POU6F2: variants seen among roughly 807,000 people sequenced by gnomAD.
POU6F2 encodes the protein POU class 6 homeobox 2.
POU6F2 carries 31 observed loss-of-function variants against 71.3 expected under a neutral mutation model. The observed-to-expected ratio is 0.43, with a 90% CI of 0.33 to 0.59. The LOEUF (loss-of-function observed/expected upper bound fraction) is 0.59, where lower values mean the gene tolerates loss of function less well. Ranked by LOEUF, POU6F2 falls within the 20% of genes least tolerant of loss-of-function variation. The pLI is 0.04. For synonymous variants in POU6F2, 347 were observed against 355.7 expected (o/e 0.98, Z 0.27); for missense variants, 783 against 856.8 (o/e 0.91, Z 1.07).
chr7:39,046,397 T>A (rs1028515525), intron 1 of POU6F2, among the ~76,000 whole-genome samples: 1 of 151,942 alleles, frequency 6.6e-6, no homozygotes, highest in Admixed American at 6.6e-5. Flanking sequence ...AGTCTGTGGC[T>A]TGTCTTTTTA....
At chr7:38,997,164 T>C (rs1562660224) in intron 1 of POU6F2, among the ~76,000 whole-genome samples, 1 of 152,222 alleles carries the variant, frequency 6.6e-6, no homozygotes, top group Non-Finnish European at 1.5e-5. Flanking sequence ...GTGTTGACTT[T>C]GTTCACTATT....
At chr7:39,208,725 A>G (rs1272947511) in intron 4 of POU6F2, among the ~76,000 whole-genome samples, 1 of 152,220 alleles carries the variant, frequency 6.6e-6, no homozygotes, top group Non-Finnish European at 1.5e-5. Context: ...CCTGCCATTC[A>G]TAAATCATGC....
intron 4 of POU6F2, among the ~76,000 whole-genome samples, chr7:39,318,613 C>T (rs1396584943): frequency 6.6e-6 from 1 of 152,128 alleles, no homozygotes; most frequent in Admixed American, 6.5e-5. Context: ...GCAAAAGAAC[C>T]CTTCTGCTCT....
At chr7:39,315,589 C>T (rs1217287108) in intron 4 of POU6F2, among the ~76,000 whole-genome samples, 1 of 152,166 alleles carries the variant, frequency 6.6e-6, no homozygotes, top group South Asian at 2.1e-4. Context: ...CTGAGTGGCC[C>T]CTCATCATAG....
chr7:39,377,848 ATTAG>A (rs1324698541), intron 5 of POU6F2, among the ~76,000 whole-genome samples: 1 of 152,252 alleles, frequency 6.6e-6, no homozygotes, highest in Non-Finnish European at 1.5e-5. Flanking sequence ...CACTTTAAAA[ATTAG>A]TTACTTTTAA....
In POU6F2 at chr7:39,460,977, T is replaced by TC. The variant is rs1788936000; in HGVS notation, c.1658+263dup. On this transcript the variant is annotated intron_variant, in intron 9 of 9. Transcript: ENST00000518318. This position sits in a 1 kb window ranked among gnomAD's most constrained non-coding sequence, Gnocchi z 4.4. ...TCATTGGAAATACACTACCCCAGGG[T>TC]CAGGGGCCTTCCTCCTGGGCCCACA... Among the ~76,000 whole-genome samples the TC allele has an allele frequency of 2.0e-5, 3 of 152,098 alleles. No individual in the cohort carries two copies. In the South Asian group the frequency reaches 6.2e-4, roughly 32 times the overall value.
Position 39,431,955 on chromosome 7 carries a change from G to A in POU6F2, c.1114-1122G>A, listed in dbSNP as rs79645029. Among the ~76,000 whole-genome samples the A allele has an allele frequency of 8.3e-3, 1,264 of 152,250 alleles. 16 individuals are homozygous for A. Among genetic ancestry groups the A allele is most frequent in the African/African-American group, 0.028 (1,173 of 41,544 alleles). ...AGCAGAGCTAGGTAACCATCCTACC[G>A]TGTGTGGAGGCAGAAAAGCATCCAC... On this transcript the variant is annotated intron_variant, in intron 6 of 9. Coordinates refer to ENST00000518318, the MANE Select transcript of POU6F2 (RefSeq NM_001370959.1).
chr7:39,447,283 A>G (rs1285126475), intron 7 of POU6F2, among the ~76,000 whole-genome samples: 1 of 152,222 alleles, frequency 6.6e-6, no homozygotes, highest in Admixed American at 6.5e-5. Flanking sequence ...TGGCTGATCA[A>G]CTTGAAAGTG....
At chr7:39,237,000 G>T (rs1794686912) in intron 4 of POU6F2, among the ~76,000 whole-genome samples, 1 of 152,160 alleles carries the variant, frequency 6.6e-6, no homozygotes. Flanking sequence ...GGATCACATT[G>T]TGAAATAAAT....
intron 1 of POU6F2, chr7:39,013,626 G>A (rs1789390876): frequency 6.6e-6 from 1 of 152,196 alleles, no homozygotes; most frequent in Non-Finnish European, 1.5e-5. Context: ...CTTTTAGAAT[G>A]CTGGAGATAA....
At chr7:39,121,524 C>G (rs937416857) in intron 2 of POU6F2, among the ~76,000 whole-genome samples, 2 of 152,174 alleles carry the variant, frequency 1.3e-5, no homozygotes, top group Non-Finnish European at 2.9e-5. Flanking sequence ...GTACGTATTT[C>G]TCGTTATTAT....
chr7:39,407,938 A>G lies in POU6F2; in HGVS notation c.1113+1198A>G, dbSNP rs987588322. Among the ~76,000 whole-genome samples the G allele has an allele frequency of 3.9e-5, 6 of 152,154 alleles. No individual in the cohort carries two copies. The South Asian group carries it at 6.2e-4, about 16-fold the overall frequency. On this transcript the variant is annotated intron_variant, in intron 6 of 9. Coordinates refer to ENST00000518318, the MANE Select transcript of POU6F2 (RefSeq NM_001370959.1). ...ATCACAGGTGCACACCGCACATATTAAAGGAGGGTTGTATGAACACTGTGC... is the reference window on the plus strand; with the variant it reads ...ATCACAGGTGCACACCGCACATATTGAAGGAGGGTTGTATGAACACTGTGC...
chr7:39,017,297 C>T (rs542235688), intron 1 of POU6F2, among the ~76,000 whole-genome samples: 28 of 152,208 alleles, frequency 1.8e-4, no homozygotes, highest in African/African-American at 6.5e-4. Context: ...CACTGGGCTG[C>T]GTGTGAACAT....
chr7:39,068,242 T>G (rs1790800731), intron 1 of POU6F2, among the ~76,000 whole-genome samples: 1 of 152,094 alleles, frequency 6.6e-6, no homozygotes, highest in African/African-American at 2.4e-5. Flanking sequence ...AGAAGTGAAA[T>G]AAGAGGAGAA....
chr7:39,275,681 A>G (rs1275301424), intron 4 of POU6F2, among the ~76,000 whole-genome samples: 1 of 152,248 alleles, frequency 6.6e-6, no homozygotes, highest in Non-Finnish European at 1.5e-5. Context: ...CCAAAACAGC[A>G]TGGTACAGGT....
chr7:39,457,710 C>G (rs75246009), intron 8 of POU6F2, among the ~76,000 whole-genome samples: 1,624 of 152,122 alleles, frequency 0.011, 26 homozygotes, highest in African/African-American at 0.037. Context: ...TCCCTGGGCC[C>G]AAAGCAGTGA....
intron 2 of POU6F2, among the ~76,000 whole-genome samples, chr7:39,086,966 C>T (rs1023692580): frequency 1.2e-4 from 18 of 151,208 alleles, no homozygotes; most frequent in South Asian, 2.1e-4. Context: ...CGTGTGTGTG[C>T]ACACACACAT....
chr7:39,108,350 G>A (rs2128725039), intron 2 of POU6F2, among the ~76,000 whole-genome samples: 1 of 151,888 alleles, frequency 6.6e-6, no homozygotes, highest in South Asian at 2.1e-4. Flanking sequence ...CTGGGTGCTG[G>A]TTGAGATTTA....
intron 1 of POU6F2, among the ~76,000 whole-genome samples, chr7:39,030,500 CTA>C (rs58426134): frequency 0.082 from 3,796 of 46,082 alleles, 103 homozygotes; most frequent in South Asian, 0.11. Context: ...TCAAAAAATA[CTA>C]TATATATATA....
Sources: allele counts gnomAD v4.1 joint callset (sites outside exome capture counted in the v4.1 genomes callset), GRCh38; gene constraint gnomAD v4.1.1; non-coding constraint Gnocchi (gnomAD v3.1); transcripts MANE v1.5; gene names NCBI Gene and HGNC (gene_info 2026-07-23, HGNC 2026-07-21).